The following ERC1 variants were observed in gnomAD, a reference collection of about 807,000 sequenced individuals.
The protein encoded by ERC1 is RAB6 interacting protein 2.
Under a neutral mutation model 132.0 loss-of-function variants are expected in ERC1, and 56 were observed. That is an observed-to-expected ratio of 0.42 (90% CI 0.34 to 0.53). ERC1 has a LOEUF of 0.53. Among genes scored for constraint, ERC1 ranks in the 20% least tolerant of loss-of-function variants. The probability of loss-of-function intolerance (pLI) is 0.03; values close to 1 mark genes in which losing one functional copy is unlikely to be tolerated. For missense variants in ERC1, 1,202 were observed against 1,349.9 expected, an observed-to-expected ratio of 0.89 and a Z score of 1.72; for synonymous variants, 478 against 476.1, an observed-to-expected ratio of 1.00 and a Z score of -0.05.
At chr12:1,235,663 C>T (rs2075364836) in intron 12 of ERC1, among the ~76,000 whole-genome samples, 1 of 151,928 alleles carries the variant, frequency 6.6e-6, no homozygotes, top group African/African-American at 2.4e-5. Context: ...CTATTGGAAA[C>T]ATTTAGAAAG....
chr12:1,187,023 G>A (rs1255543683), intron 11 of ERC1, among the ~76,000 whole-genome samples: 1 of 152,138 alleles, frequency 6.6e-6, no homozygotes, highest in African/African-American at 2.4e-5. Flanking sequence ...TGGAGATGGG[G>A]TTTTGCCATG....
At chr12:1,153,520 A>G (rs1301931510) in intron 8 of ERC1, among the ~76,000 whole-genome samples, 2 of 152,374 alleles carry the variant, frequency 1.3e-5, no homozygotes, top group East Asian at 3.9e-4. Context: ...GCTTATTCAG[A>G]GAAGCAGTCC....
chr12:1,063,182 C>A (rs1410490933), intron 2 of ERC1, among the ~76,000 whole-genome samples: 1 of 152,154 alleles, frequency 6.6e-6, no homozygotes, highest in Non-Finnish European at 1.5e-5. Context: ...GTTCTCCTGC[C>A]TTAGCCTCCC....
At chr12:1,242,077 C>A (rs1236241537) in intron 13 of ERC1, among the ~76,000 whole-genome samples, 1 of 151,808 alleles carries the variant, frequency 6.6e-6, no homozygotes. Context: ...GAACTCCTGA[C>A]CTCAGGTGAT....
At chr12:1,054,344 A>G (rs991845978) in intron 2 of ERC1, among the ~76,000 whole-genome samples, 4 of 152,150 alleles carry the variant, frequency 2.6e-5, no homozygotes, top group Admixed American at 1.3e-4. Flanking sequence ...TCACAGAGCA[A>G]TTGCCCTTGT....
chr12:1,146,613 T>G (rs1593698975), intron 8 of ERC1, among the ~76,000 whole-genome samples: 1 of 80,764 alleles, frequency 1.2e-5, no homozygotes, highest in South Asian at 3.5e-4. Context: ...TCCAGTACTG[T>G]TTTTTTTTTT....
intron 13 of ERC1, among the ~76,000 whole-genome samples, chr12:1,258,907 C>T (rs895437884): frequency 2.0e-5 from 3 of 152,146 alleles, no homozygotes; most frequent in Non-Finnish European, 4.4e-5. Flanking sequence ...TGAGCACTGC[C>T]TGAAGATGTG....
At chr12:1,444,876 GGAATCCCGTT>G in intron 18 of ERC1, 126 bp downstream of exon 18, 1 of 754,916 alleles carries the variant, frequency 1.3e-6, no homozygotes, top group Non-Finnish European at 2.1e-6. Context: ...GCTACCTTGG[GGAATCCCGTT>G]GCTGTGTAGG....
chr12:1,360,376 A>C (rs2085973426), intron 15 of ERC1, among the ~76,000 whole-genome samples: 1 of 152,200 alleles, frequency 6.6e-6, no homozygotes, highest in Non-Finnish European at 1.5e-5. Flanking sequence ...GTCGCACAAT[A>C]GTCATATAGG....
chr12:1,346,589 A>G (rs1460636450), intron 15 of ERC1, among the ~76,000 whole-genome samples: 1 of 152,200 alleles, frequency 6.6e-6, no homozygotes, highest in African/African-American at 2.4e-5. Flanking sequence ...AATAGACTCT[A>G]TCAGTCAGGT....
chr12:1,475,464 G>A (rs1468142623), intron 18 of ERC1, among the ~76,000 whole-genome samples: 1 of 152,208 alleles, frequency 6.6e-6, no homozygotes, highest in Non-Finnish European at 1.5e-5. Context: ...TACTGTAGCA[G>A]TTTACACTTC....
intron 15 of ERC1, among the ~76,000 whole-genome samples, chr12:1,320,215 C>G (rs1238479417): frequency 6.6e-6 from 1 of 152,076 alleles, no homozygotes; most frequent in East Asian, 1.9e-4. Flanking sequence ...GCATATTTTT[C>G]TAGGATAGAT....
At chr12:1,152,918 T>G (rs571908723) in intron 8 of ERC1, 1 of 152,816 alleles carries the variant, frequency 6.5e-6, no homozygotes, top group East Asian at 1.9e-4. Context: ...CTGTTGTCAG[T>G]GCGATGATGG....
intron 12 of ERC1, among the ~76,000 whole-genome samples, chr12:1,226,768 C>T (rs964143184): frequency 6.6e-6 from 1 of 152,188 alleles, no homozygotes; most frequent in African/African-American, 2.4e-5. Context: ...CCTCCACCTC[C>T]TGAGCTCAAG....
At chr12:1,208,957 ATTTTTTTTTTTTTTTT>A (rs538961813) in intron 12 of ERC1, among the ~76,000 whole-genome samples, 1 of 71,610 alleles carries the variant, frequency 1.4e-5, no homozygotes, top group Non-Finnish European at 2.5e-5. Flanking sequence ...CGCCCAGCTG[ATTTTTTTTTTTTTTTT>A]TTTTTTTTTT....
chr12:1,470,106 TATCA>T (rs1167370132), intron 18 of ERC1, among the ~76,000 whole-genome samples: 5 of 150,480 alleles, frequency 3.3e-5, no homozygotes, highest in African/African-American at 1.2e-4. Flanking sequence ...CCAGAGAATG[TATCA>T]GATTTATACT....
At chr12:1,057,292 T>C (rs944056411) in intron 2 of ERC1, among the ~76,000 whole-genome samples, 3 of 151,646 alleles carry the variant, frequency 2.0e-5, no homozygotes, top group South Asian at 2.1e-4. Flanking sequence ...CCTAGCTAAT[T>C]TTTGTGTTTT....
At chr12:1,356,638 T>C (rs2085569602) in intron 15 of ERC1, among the ~76,000 whole-genome samples, 2 of 152,246 alleles carry the variant, frequency 1.3e-5, no homozygotes, top group African/African-American at 4.8e-5. Context: ...ATGTCTACTT[T>C]AACCGTATGC....
chr12:1,197,484 G>A (rs1244623925), intron 12 of ERC1, among the ~76,000 whole-genome samples: 1 of 152,172 alleles, frequency 6.6e-6, no homozygotes. Flanking sequence ...CTGTTCACTT[G>A]AGGATCTTAC....
Sources: allele counts gnomAD v4.1 joint callset (sites outside exome capture counted in the v4.1 genomes callset), GRCh38; gene constraint gnomAD v4.1.1; transcripts MANE v1.5; gene names NCBI Gene and HGNC (gene_info 2026-07-23, HGNC 2026-07-21).